SCARB2: variants seen among roughly 807,000 people sequenced by gnomAD.
The protein encoded by SCARB2 is scavenger receptor class B member 2, also known as lysosome membrane protein 2.
SCARB2 carries 29 observed loss-of-function variants against 58.6 expected under a neutral mutation model. That is an observed-to-expected ratio of 0.49 (90% CI 0.37 to 0.67). SCARB2 has a LOEUF of 0.67. Ranked by LOEUF, SCARB2 falls within the 30% of genes least tolerant of loss-of-function variation. SCARB2 has a pLI of 0.00. For missense variants in SCARB2, 488 were observed against 578.5 expected (o/e 0.84, Z 1.60); for synonymous variants, 195 against 210.1 (o/e 0.93, Z 0.62).
intron 1 of SCARB2, among the ~76,000 whole-genome samples, chr4:76,199,529 T>C (rs1300938041): frequency 6.6e-6 from 1 of 152,246 alleles, no homozygotes; most frequent in Non-Finnish European, 1.5e-5. Flanking sequence ...TAACAACTGA[T>C]ACATCGGACT....
chr4:76,185,601 CTGAGA>C (rs1305372011), intron 2 of SCARB2, among the ~76,000 whole-genome samples: 1 of 152,094 alleles, frequency 6.6e-6, no homozygotes, highest in African/African-American at 2.4e-5. Context: ...AAACAATAGA[CTGAGA>C]TAAGGAGTGG....
intron 1 of SCARB2, among the ~76,000 whole-genome samples, chr4:76,198,392 A>G (rs969647586): frequency 6.6e-6 from 1 of 152,256 alleles, no homozygotes; most frequent in Admixed American, 6.5e-5. Context: ...TCCAGAAAGA[A>G]GGGGTTACCA....
chr4:76,161,481 C>G lies in SCARB2; in HGVS notation c.*232G>C, dbSNP rs922439628. 3.4e-6 allele frequency: 2 copies of G among 585,294 alleles called. No homozygotes were observed. The highest frequency in any genetic ancestry group is 6.1e-6 in the Non-Finnish European group (2 of 327,606). The allele number at this position is 585,294 out of a possible 1,614,324, so 36.3% of individuals were successfully genotyped here. ...TATACAAGGGTTTATTAAATACTTG[C>G]TAGACACATAAAAGAACAATTTCAG... On this transcript the variant is annotated 3_prime_UTR_variant, in exon 12 of 12. Transcript: ENST00000264896.
At chr4:76,186,883 A>C (rs1732498599) in intron 2 of SCARB2, among the ~76,000 whole-genome samples, 2 of 152,102 alleles carry the variant, frequency 1.3e-5, no homozygotes, top group South Asian at 4.1e-4. Context: ...AGTTTTAGCT[A>C]CCAATCTAAA....
In SCARB2 at chr4:76,160,592, T is replaced by C. The variant is rs1413873819; in HGVS notation, c.*1121A>G. 1 of 152,210 alleles carries C rather than the reference T, an allele frequency of 6.6e-6. No homozygotes were observed. 9.4% of individuals were successfully genotyped at this position (152,210 alleles called of 1,614,324 possible). A position where few individuals can be genotyped will look rare whatever the true frequency, so the allele number is the denominator to read the frequency against. ...AGGAAGTATAGGGCACACGTTTCTC[T>C]ATTCAGTGAGTGACAGTGAGCTACA... On this transcript the variant is annotated 3_prime_UTR_variant, in exon 12 of 12. Coordinates refer to ENST00000264896, the MANE Select transcript of SCARB2 (RefSeq NM_005506.4).
chr4:76,180,855 T>A, intron 3 of SCARB2, 99 bp downstream of exon 3: 1 of 1,035,914 alleles, frequency 9.7e-7, no homozygotes, highest in Admixed American at 2.4e-5. Flanking sequence ...TATTTCAACA[T>A]AACTTAATGG....
chr4:76,161,841 G>T, intron 11 of SCARB2, 90 bp from the exon 12 acceptor site: 1 of 1,226,200 alleles, frequency 8.2e-7, no homozygotes, highest in Non-Finnish European at 1.2e-6. Context: ...TGGGGGCATG[G>T]AAGGAGGAGA....
rs1553948397 is a variant in SCARB2, at chr4:76,179,620, G to T, written c.509C>A (p.Thr170Asn). Residue 170 changes from threonine (T) to asparagine (N), a missense_variant, in exon 4 of 12, where the codon ACT (threonine) becomes AAT (asparagine). Physicochemically the swap from Thr to Asn is moderately conservative, Grantham distance 65. Coordinates refer to ENST00000264896, the MANE Select transcript of SCARB2 (RefSeq NM_005506.4). ...CCAGAGCAATTCGTCAACTGTGTGA[G>T]TCACAAAGAGCTTCTGCTGATAGGC... ...LKAYQQKLFV[T>N]HTVDELLWGY... 6.2e-7 allele frequency: 1 copy of T among 1,613,978 alleles called. No individual in the cohort carries two copies. Among genetic ancestry groups the T allele is most frequent in the Non-Finnish European group, 8.5e-7 (1 of 1,179,830 alleles).
intron 2 of SCARB2, among the ~76,000 whole-genome samples, chr4:76,189,923 T>C (rs2109956209): frequency 6.6e-6 from 1 of 152,160 alleles, no homozygotes; most frequent in Admixed American, 6.5e-5. Flanking sequence ...GAAACTACAA[T>C]TCAAGCTGAG....
intron 1 of SCARB2, among the ~76,000 whole-genome samples, chr4:76,203,597 C>T (rs1386353386): frequency 6.6e-6 from 1 of 152,246 alleles, no homozygotes; most frequent in Admixed American, 6.5e-5. Flanking sequence ...CCAGCATAAG[C>T]TTCCATTTGG....
At chr4:76,215,395 C>T (rs923026106), upstream of SCARB2, among the ~76,000 whole-genome samples, 10 of 152,234 alleles carry the variant, frequency 6.6e-5, no homozygotes, top group African/African-American at 2.4e-4. Context: ...TTCTACTCTG[C>T]GCATTGCTGC....
rs144856678 is a variant in SCARB2, at chr4:76,222,251, G to A, written c.-358+12052C>T. On this transcript the variant is annotated intron_variant, in intron 1 of 11. Coordinates refer to the SCARB2 transcript ENST00000638295. Reference sequence around the variant, plus strand: ...TCTTTTTTTTTTTTTTTCTGAGACCGAGTCTCACTCTGTTGCCCAGGCTGG... The same window carrying A: ...TCTTTTTTTTTTTTTTTCTGAGACCAAGTCTCACTCTGTTGCCCAGGCTGG... Among the ~76,000 whole-genome samples, 424 of 147,786 alleles carry A rather than the reference G, an allele frequency of 2.9e-3. 6 individuals are homozygous for A. Among genetic ancestry groups the A allele is most frequent in the African/African-American group, 9.9e-3 (395 of 39,854 alleles).
In SCARB2 at chr4:76,159,130, T is replaced by C. The variant is rs1731840895; in HGVS notation, c.*2583A>G. ...CTGTCCTGTGCTCAACTCCTAATTT[T>C]CCCTGAGAGAAGTGAGTTAAGCTCT... is the stretch of plus-strand genomic sequence containing the variant. On this transcript the variant is annotated 3_prime_UTR_variant, in exon 12 of 12. Transcript: ENST00000264896. 6.6e-6 allele frequency: 1 copy of C among 152,166 alleles called. No homozygotes were observed. 9.4% of individuals were successfully genotyped at this position (152,166 alleles called of 1,614,324 possible).
chr4:76,186,190 T>C (rs1478665749), intron 2 of SCARB2, among the ~76,000 whole-genome samples: 2 of 152,132 alleles, frequency 1.3e-5, no homozygotes, highest in Non-Finnish European at 2.9e-5. Flanking sequence ...AGGGGACTCC[T>C]GCAAAAGACA....
At chr4:76,214,563 T>C, upstream of SCARB2, 1 of 338,494 alleles carries the variant, frequency 3.0e-6, no homozygotes, top group Non-Finnish European at 5.8e-6. Flanking sequence ...GAAGGGCTCT[T>C]GGTATCCTGT....
Position 76,227,531 on chromosome 4 carries a change from G to C in SCARB2, c.-358+6772C>G, listed in dbSNP as rs114573723. ...ATATTCTGCAGTTGTTGGGTATAAT[G>C]TTCTGTAAATATCTATCTGGGGTAT... On this transcript the variant is annotated intron_variant, in intron 1 of 11. Transcript: ENST00000638295. Among the ~76,000 whole-genome samples, 975 of 152,262 alleles carry C rather than the reference G, an allele frequency of 6.4e-3. 8 individuals are homozygous for C. The highest frequency in any genetic ancestry group is 0.011 in the Non-Finnish European group (737 of 68,004).
chr4:76,209,659 G>T (rs766799986), intron 1 of SCARB2, among the ~76,000 whole-genome samples: 1 of 152,174 alleles, frequency 6.6e-6, no homozygotes, highest in African/African-American at 2.4e-5. Context: ...GAGCCACCAC[G>T]CCTGGCCTAT....
At chr4:76,216,920 T>A (rs1733218080), upstream of SCARB2, among the ~76,000 whole-genome samples, 2 of 152,208 alleles carry the variant, frequency 1.3e-5, no homozygotes, top group Non-Finnish European at 2.9e-5. Context: ...GTAATCTCTG[T>A]CTTATCACCG....
chr4:76,176,047 T>C (rs1732245739), intron 5 of SCARB2, 137 bp from the exon 6 acceptor site: 1 of 1,097,096 alleles, frequency 9.1e-7, no homozygotes, highest in Non-Finnish European at 1.3e-6. Context: ...ACAACAGTTT[T>C]AATTAGATCA....
Sources: gnomAD v4.1 joint callset for allele counts (sites outside exome capture counted in the v4.1 genomes callset) on GRCh38, gnomAD v4.1.1 for gene constraint, MANE v1.5 for transcripts, NCBI Gene and HGNC (gene_info 2026-07-23, HGNC 2026-07-21) for gene names.